RELN: variants seen among roughly 807,000 people sequenced by gnomAD.
The protein encoded by RELN is reelin.
Under a neutral mutation model 427.6 loss-of-function variants are expected in RELN, and 108 were observed. The observed-to-expected ratio is 0.25, with a 90% CI of 0.22 to 0.30. The LOEUF (loss-of-function observed/expected upper bound fraction) is 0.30, where lower values mean the gene tolerates loss of function less well. Among genes scored for constraint, RELN ranks in the 10% least tolerant of loss-of-function variants. The probability of loss-of-function intolerance (pLI) is 1.00; values close to 1 mark genes in which losing one functional copy is unlikely to be tolerated. For missense variants in RELN, 3,715 were observed against 4,302.8 expected (o/e 0.86, Z 3.82); for synonymous variants, 1,524 against 1,513.4 (o/e 1.01, Z -0.16).
intron 6 of RELN, among the ~76,000 whole-genome samples, chr7:103,740,599 C>G (rs548919204): frequency 3.3e-5 from 5 of 152,130 alleles, no homozygotes; most frequent in South Asian, 4.2e-4. Flanking sequence ...TTTATAATAT[C>G]ATTTTATGTT....
intron 2 of RELN, among the ~76,000 whole-genome samples, chr7:103,886,192 C>T (rs1049140818): frequency 1.3e-5 from 2 of 151,802 alleles, no homozygotes; most frequent in Non-Finnish European, 2.9e-5. Context: ...ATGAAATAGG[C>T]AAAAGGAAAG....
intron 63 of RELN, among the ~76,000 whole-genome samples, chr7:103,478,972 A>G (rs1166736215): frequency 6.6e-6 from 1 of 152,166 alleles, no homozygotes; most frequent in African/African-American, 2.4e-5. Flanking sequence ...ATTCTGATAA[A>G]TGCTTTTAAG....
chr7:103,708,613 G>A (rs535577683), intron 8 of RELN, among the ~76,000 whole-genome samples: 1 of 151,582 alleles, frequency 6.6e-6, no homozygotes, highest in East Asian at 1.9e-4. Flanking sequence ...ACAGGCGCCC[G>A]CCAACACGCC....
At chr7:103,927,316 ACT>A (rs1273270193) in intron 1 of RELN, among the ~76,000 whole-genome samples, 1 of 152,260 alleles carries the variant, frequency 6.6e-6, no homozygotes, top group African/African-American at 2.4e-5. Flanking sequence ...CTTTTAGAAG[ACT>A]CTCTATTCCA....
At chr7:103,670,629 AT>A (rs2115620244) in intron 11 of RELN, among the ~76,000 whole-genome samples, 1 of 152,102 alleles carries the variant, frequency 6.6e-6, no homozygotes, top group South Asian at 2.1e-4. Context: ...TGGGGGGGAA[AT>A]TTTAGACTTT....
rs1275510829 is a variant in RELN, at chr7:103,670,851, TG to T, written c.1290-9325del. 3.9e-5 allele frequency among the ~76,000 whole-genome samples: 6 copies of T among 152,192 alleles called. No individual in the cohort carries two copies. In the East Asian group the frequency reaches 1.2e-3, roughly 29 times the overall value. ...TTAGCATAAAAGTCACTAAACGTAA[TG>T]GAACATTTCATATTTTCTATGAATT... On this transcript the variant is annotated intron_variant, in intron 11 of 64. Coordinates refer to ENST00000428762, the MANE Select transcript of RELN (RefSeq NM_005045.4).
intron 11 of RELN, among the ~76,000 whole-genome samples, chr7:103,665,809 T>G (rs1470049491): frequency 2.0e-5 from 3 of 152,126 alleles, no homozygotes; most frequent in Non-Finnish European, 2.9e-5. Context: ...TATCCTCTAT[T>G]CATTCTATAT....
At chr7:103,822,231 A>T (rs955443126) in intron 3 of RELN, among the ~76,000 whole-genome samples, 8 of 152,074 alleles carry the variant, frequency 5.3e-5, no homozygotes, top group African/African-American at 1.9e-4. Context: ...TATTGTTAAT[A>T]TTAACCTTCT....
chr7:103,576,264 C>T (rs1345697830), intron 28 of RELN, among the ~76,000 whole-genome samples: 1 of 152,066 alleles, frequency 6.6e-6, no homozygotes, highest in Non-Finnish European at 1.5e-5. Flanking sequence ...TTCAGCCTCC[C>T]GAGTAGCTGA....
intron 30 of RELN, among the ~76,000 whole-genome samples, chr7:103,572,668 C>T (rs1830910420): frequency 1.3e-5 from 2 of 151,808 alleles, no homozygotes; most frequent in Non-Finnish European, 2.9e-5. Flanking sequence ...TCCCGAGTAG[C>T]TGGGACTACA....
chr7:103,538,269 A>G (rs1403341267), intron 45 of RELN, among the ~76,000 whole-genome samples: 1 of 152,202 alleles, frequency 6.6e-6, no homozygotes, highest in Non-Finnish European at 1.5e-5. Flanking sequence ...CCCTCTACCC[A>G]GAATCTAAAA....
At chr7:103,885,649 G>C (rs2116574679) in intron 2 of RELN, among the ~76,000 whole-genome samples, 1 of 152,190 alleles carries the variant, frequency 6.6e-6, no homozygotes, top group Non-Finnish European at 1.5e-5. Context: ...ATGACGGGTT[G>C]ATGGGTGCAG....
At chr7:103,701,784 T>C (rs1237318197) in intron 8 of RELN, among the ~76,000 whole-genome samples, 2 of 152,142 alleles carry the variant, frequency 1.3e-5, no homozygotes, top group African/African-American at 4.8e-5. Context: ...TTGTAATGGA[T>C]GTAGCAGAAA....
Position 103,833,626 on chromosome 7 carries a change from C to T in RELN, c.384G>A (p.Val128=), listed in dbSNP as rs1793327868. 1.9e-6 allele frequency: 3 copies of T among 1,613,634 alleles called. No homozygotes were observed. Among genetic ancestry groups the T allele is most frequent in the Non-Finnish European group, 1.7e-6 (2 of 1,179,624 alleles). ...GCAGGTGACTCACGTGAGAGGCTACCACACTGCACATAAACTGGTTACCAA... is the reference window on the plus strand; with the variant it reads ...GCAGGTGACTCACGTGAGAGGCTACTACACTGCACATAAACTGGTTACCAA... ...HQFGNQFMCS[V]VASHVSHLPT... The change falls in exon 3 of 65, where the codon GTG becomes GTA. Residue 128 remains valine, a synonymous_variant. Transcript: ENST00000428762.
At chr7:103,479,970 AAAG>A (rs1267205676) in intron 63 of RELN, among the ~76,000 whole-genome samples, 3 of 152,228 alleles carry the variant, frequency 2.0e-5, no homozygotes, top group African/African-American at 4.8e-5. Context: ...TCACTTAAAA[AAAG>A]AAGTATATTT....
At chr7:103,577,718 A>G (rs905687476) in intron 28 of RELN, among the ~76,000 whole-genome samples, 2 of 152,228 alleles carry the variant, frequency 1.3e-5, no homozygotes, top group Non-Finnish European at 2.9e-5. Flanking sequence ...ACTCTTAAGG[A>G]AAATGTTAAG....
rs12113347 is a variant in RELN at position 103,913,898 on chromosome 7, C to A, written c.337+3177G>T. 9.1e-3 allele frequency among the ~76,000 whole-genome samples: 1,381 copies of A among 152,176 alleles called. 18 individuals carry two copies. Among genetic ancestry groups the A allele is most frequent in the African/African-American group, 0.031 (1,282 of 41,522 alleles). On this transcript the variant is annotated intron_variant, in intron 2 of 64. Transcript: ENST00000428762. ...GAACTTAATAAAATATCTCACCTACCTATACATCCATATAAAACATATGTC... is the reference window on the plus strand; with the variant it reads ...GAACTTAATAAAATATCTCACCTACATATACATCCATATAAAACATATGTC...
At chr7:103,905,555 C>T (rs959585128) in intron 2 of RELN, among the ~76,000 whole-genome samples, 3 of 152,138 alleles carry the variant, frequency 2.0e-5, no homozygotes, top group Non-Finnish European at 4.4e-5. Context: ...CAGTCTATAC[C>T]CAAACACTTG....
intron 3 of RELN, among the ~76,000 whole-genome samples, chr7:103,786,169 A>G (rs956026714): frequency 6.6e-6 from 1 of 152,056 alleles, no homozygotes; most frequent in Non-Finnish European, 1.5e-5. Flanking sequence ...GGTAACTTGT[A>G]TTATGAAAAA....
Sources: allele counts gnomAD v4.1 joint callset (sites outside exome capture counted in the v4.1 genomes callset), GRCh38; gene constraint gnomAD v4.1.1; transcripts MANE v1.5; gene names NCBI Gene and HGNC (gene_info 2026-07-23, HGNC 2026-07-21).